The following CNTN3 variants were observed in gnomAD, a reference collection of about 807,000 sequenced individuals.
CNTN3 encodes contactin 3.
A neutral mutation model predicts 119.1 loss-of-function variants in CNTN3; 60 were observed. That is an observed-to-expected ratio of 0.50 (90% CI 0.41 to 0.62). The LOEUF is 0.62. Among genes scored for constraint, CNTN3 ranks in the 20% least tolerant of loss-of-function variants. The probability of loss-of-function intolerance (pLI) is 0.00; values close to 1 mark genes in which losing one functional copy is unlikely to be tolerated. For missense variants in CNTN3, 1,101 were observed against 1,242.4 expected, an observed-to-expected ratio of 0.89 and a Z score of 1.71; for synonymous variants, 450 against 438.7, an observed-to-expected ratio of 1.03 and a Z score of -0.32.
At chr3:74,336,372 T>C (rs570550030) in intron 12 of CNTN3, among the ~76,000 whole-genome samples, 159 bp downstream of exon 12, 17 of 152,282 alleles carry the variant, frequency 1.1e-4, no homozygotes, top group South Asian at 4.1e-4. Context: ...AAGGAAATAT[T>C]GTTCCCTTGA....
intron 1 of CNTN3, among the ~76,000 whole-genome samples, chr3:74,603,702 T>C (rs181481023): frequency 6.6e-6 from 1 of 152,244 alleles, no homozygotes. Context: ...CCTACGTTTA[T>C]GGACTAGAAG....
chr3:74,401,738 T>C (rs1203185884), intron 5 of CNTN3, among the ~76,000 whole-genome samples: 2 of 152,174 alleles, frequency 1.3e-5, no homozygotes, highest in Non-Finnish European at 2.9e-5. Context: ...AAGGGAGCTA[T>C]GGTGACAGGA....
chr3:74,489,582 AT>A, intron 3 of CNTN3, among the ~76,000 whole-genome samples: 1 of 151,820 alleles, frequency 6.6e-6, no homozygotes, highest in East Asian at 1.9e-4. Context: ...TGAAGCTCAC[AT>A]TTTTTAGATT....
chr3:74,561,849 A>G (rs1160358829), intron 1 of CNTN3, among the ~76,000 whole-genome samples: 1 of 152,212 alleles, frequency 6.6e-6, no homozygotes, highest in Non-Finnish European at 1.5e-5. Context: ...TCTTTAAACC[A>G]TCTTTTAAAG....
Position 74,334,807 on chromosome 3 carries a change from G to C in CNTN3, c.1596C>G (p.Ile532Met), listed in dbSNP as rs767477939. Reference protein sequence around the residue: ...QVQHDPLLDIIFTWYFNGALA... With the variant: ...QVQHDPLLDIMFTWYFNGALA... ...GGGCCCCATTGAAATACCAGGTAAA[G>C]ATGATGTCTAACAGCGGGTCATGTT... The change falls in exon 13 of 23, where the codon ATC becomes ATG. Residue 532 changes from isoleucine to methionine, a missense_variant. Coordinates refer to ENST00000263665, the MANE Select transcript of CNTN3 (RefSeq NM_020872.3). 1 of 1,613,596 alleles carries C rather than the reference G, an allele frequency of 6.2e-7. No individual in the cohort carries two copies. Among genetic ancestry groups the C allele is most frequent in the Non-Finnish European group, 8.5e-7 (1 of 1,179,634 alleles).
At chr3:74,551,754 CTTTTTTTTTTTTT>C (rs776621925) in intron 1 of CNTN3, among the ~76,000 whole-genome samples, 2 of 60,178 alleles carry the variant, frequency 3.3e-5, no homozygotes, top group Admixed American at 2.3e-4. Context: ...TCTTCTTCTT[CTTTTTTTTTTTTT>C]TTTTTTTTTT....
intron 1 of CNTN3, among the ~76,000 whole-genome samples, chr3:74,575,399 G>A (rs772888310): frequency 6.6e-6 from 1 of 151,560 alleles, no homozygotes. Context: ...TTACAGACGG[G>A]TGCCATCATG....
intron 1 of CNTN3, among the ~76,000 whole-genome samples, chr3:74,534,974 G>A (rs1361266413): frequency 1.3e-5 from 2 of 151,914 alleles, no homozygotes. Flanking sequence ...ATGCTGAGCT[G>A]GTATTTGAGT....
At chr3:74,461,078 C>T (rs1050611608) in intron 4 of CNTN3, among the ~76,000 whole-genome samples, 25 of 151,740 alleles carry the variant, frequency 1.6e-4, no homozygotes, top group African/African-American at 5.8e-4. Context: ...TTATCAAAGG[C>T]TTTTTACTGT....
At chr3:74,271,411 T>C (rs916182179) in intron 20 of CNTN3, among the ~76,000 whole-genome samples, 2 of 152,168 alleles carry the variant, frequency 1.3e-5, no homozygotes, top group Non-Finnish European at 2.9e-5. Flanking sequence ...TTTTTCTCTA[T>C]AGACTTTTTC....
chr3:74,488,842 T>G (rs897716488), intron 3 of CNTN3, among the ~76,000 whole-genome samples: 2 of 152,208 alleles, frequency 1.3e-5, no homozygotes, highest in Admixed American at 6.5e-5. Context: ...CTGCAACATC[T>G]TTTTCATTTA....
chr3:74,316,650 C>A (rs1046943850), intron 13 of CNTN3, among the ~76,000 whole-genome samples: 4 of 152,104 alleles, frequency 2.6e-5, no homozygotes, highest in African/African-American at 4.8e-5. Flanking sequence ...AAATACTCTG[C>A]AACCATGAAA....
At chr3:74,441,520 A>G (rs1346819102) in intron 4 of CNTN3, among the ~76,000 whole-genome samples, 1 of 152,210 alleles carries the variant, frequency 6.6e-6, no homozygotes, top group Non-Finnish European at 1.5e-5. Context: ...TGACACATGG[A>G]TACATTAGTT....
chr3:74,484,181 G>C (rs1466263986), intron 4 of CNTN3, among the ~76,000 whole-genome samples: 1 of 152,082 alleles, frequency 6.6e-6, no homozygotes, highest in Admixed American at 6.6e-5. Context: ...GCAGGGCCTG[G>C]GTAGTCCACC....
chr3:74,433,804 G>A (rs1701825173), intron 4 of CNTN3, among the ~76,000 whole-genome samples: 1 of 152,042 alleles, frequency 6.6e-6, no homozygotes, highest in Non-Finnish European at 1.5e-5. Flanking sequence ...AACCAGCTTT[G>A]GCCACATCTC....
At chr3:74,576,614 T>TA (rs1704421735) in intron 1 of CNTN3, among the ~76,000 whole-genome samples, 1 of 152,160 alleles carries the variant, frequency 6.6e-6, no homozygotes, top group Non-Finnish European at 1.5e-5. Flanking sequence ...TGATCACACT[T>TA]ATTCTATTAA....
chr3:74,335,181 A>G (rs920208920), intron 12 of CNTN3, among the ~76,000 whole-genome samples: 1 of 152,166 alleles, frequency 6.6e-6, no homozygotes, highest in Non-Finnish European at 1.5e-5. Flanking sequence ...CGTGTAAACA[A>G]CAGTTATATT....
chr3:74,367,041 A>T (rs1016043561), intron 8 of CNTN3, among the ~76,000 whole-genome samples: 7 of 151,024 alleles, frequency 4.6e-5, no homozygotes, highest in Non-Finnish European at 7.4e-5. Flanking sequence ...GGACTAAAAA[A>T]TCCTGAAATC....
At chr3:74,464,140 C>T (rs1237923336) in intron 4 of CNTN3, among the ~76,000 whole-genome samples, 1 of 152,128 alleles carries the variant, frequency 6.6e-6, no homozygotes, top group Non-Finnish European at 1.5e-5. Flanking sequence ...CTCCTACAAT[C>T]TGTGTTACCT....
Sources: gnomAD v4.1 joint callset for allele counts (sites outside exome capture counted in the v4.1 genomes callset) on GRCh38, gnomAD v4.1.1 for gene constraint, MANE v1.5 for transcripts, NCBI Gene and HGNC (gene_info 2026-07-23, HGNC 2026-07-21) for gene names.